CSRP2: variants seen among roughly 807,000 people sequenced by gnomAD.
CSRP2 encodes cysteine and glycine-rich protein 2.
Under a neutral mutation model 24.6 loss-of-function variants are expected in CSRP2, and 18 were observed. The ratio of observed to expected loss-of-function variants is 0.73; its 90% CI spans 0.51 to 1.09. The LOEUF (loss-of-function observed/expected upper bound fraction) is 1.09, where lower values mean the gene tolerates loss of function less well. CSRP2 is among the 50% of genes least tolerant of loss of function. The pLI is 0.00. For missense variants in CSRP2, 215 were observed against 239.4 expected (o/e 0.90, Z 0.67); for synonymous variants, 87 against 84.3 (o/e 1.03, Z -0.18).
At chr12:76,866,916 G>C (rs1953741507) in intron 1 of CSRP2, among the ~76,000 whole-genome samples, 1 of 152,124 alleles carries the variant, frequency 6.6e-6, no homozygotes, top group African/African-American at 2.4e-5. Flanking sequence ...GATGGCTCCG[G>C]CTTAAGTTTC....
In CSRP2 at chr12:76,862,810, A is replaced by G. The variant is rs982775122; in HGVS notation, c.281+366T>C. The stretch of plus-strand genomic sequence containing the variant: ...TTAGGAATTTTCATTGGCTGCTTAC[A>G]TTGCACATGAGAAACACCTCTCATG... On this transcript the variant is annotated intron_variant, in intron 3 of 5. Coordinates refer to ENST00000311083, the MANE Select transcript of CSRP2 (RefSeq NM_001321.3). The G allele has an allele frequency of 2.0e-6, 3 of 1,471,250 alleles. No individual in the cohort carries two copies. In the African/African-American group the frequency reaches 4.3e-5, roughly 21 times the overall value. The allele number at this position is 1,471,250 out of a possible 1,614,324, so 91.1% of individuals were successfully genotyped here. A position where few individuals can be genotyped will look rare whatever the true frequency, so the allele number is the denominator to read the frequency against.
intron 1 of CSRP2, among the ~76,000 whole-genome samples, chr12:76,873,438 G>A (rs763404706): frequency 3.9e-5 from 6 of 152,028 alleles, no homozygotes; most frequent in Non-Finnish European, 7.4e-5. Context: ...CTTCTCTTAC[G>A]GAAGTGAATA....
chr12:76,871,506 C>T (rs191565390), intron 1 of CSRP2, among the ~76,000 whole-genome samples: 42 of 152,296 alleles, frequency 2.8e-4, no homozygotes, highest in East Asian at 2.7e-3. Context: ...TGCGGTGGCT[C>T]ACGCCTGTAA....
intron 1 of CSRP2, among the ~76,000 whole-genome samples, chr12:76,873,909 C>T (rs1175741085): frequency 6.6e-6 from 1 of 152,152 alleles, no homozygotes; most frequent in Non-Finnish European, 1.5e-5. Context: ...ATAAGCACTG[C>T]ATAATGCTTT....
At chr12:76,866,957 G>A (rs967906101) in intron 1 of CSRP2, among the ~76,000 whole-genome samples, 1 of 152,132 alleles carries the variant, frequency 6.6e-6, no homozygotes, top group East Asian at 1.9e-4. Context: ...GCCCACTAGT[G>A]CAGCCAGCAG....
At chr12:76,860,459 C>T (rs778064378) in intron 3 of CSRP2, 46 bp from the exon 4 acceptor site, 1 of 1,604,162 alleles carries the variant, frequency 6.2e-7, no homozygotes, top group South Asian at 1.1e-5. Flanking sequence ...TTCCACAGGG[C>T]CCTTTTAAGT....
intron 2 of CSRP2, 167 bp downstream of exon 2, chr12:76,865,982 T>A: frequency 1.7e-6 from 1 of 602,984 alleles, no homozygotes; most frequent in Admixed American, 3.0e-5. Flanking sequence ...ACCCCTCCTG[T>A]CTTCGCTGCT....
intron 1 of CSRP2, among the ~76,000 whole-genome samples, chr12:76,871,089 A>C (rs1370618794): frequency 6.6e-6 from 1 of 151,280 alleles, no homozygotes; most frequent in Non-Finnish European, 1.5e-5. Context: ...GAGGAAGTTG[A>C]TTGACTGGTT....
chr12:76,860,605 T>C (rs1953666389), intron 3 of CSRP2, 192 bp from the exon 4 acceptor site: 3 of 548,712 alleles, frequency 5.5e-6, no homozygotes, highest in Non-Finnish European at 9.5e-6. Context: ...TACTTGAACC[T>C]ATCTATGGGC....
intron 1 of CSRP2, among the ~76,000 whole-genome samples, chr12:76,875,414 A>T (rs1198916817): frequency 1.3e-5 from 2 of 152,226 alleles, no homozygotes; most frequent in Non-Finnish European, 2.9e-5. Context: ...ACAGATTTGA[A>T]TCACTATCTG....
intron 5 of CSRP2, 91 bp downstream of exon 5, chr12:76,859,456 C>CTTTT: frequency 1.0e-5 from 7 of 667,006 alleles, no homozygotes; most frequent in African/African-American, 2.1e-5. Flanking sequence ...GCATACTTTT[C>CTTTT]TTTTTTTTTT....
chr12:76,868,322 A>G (rs1458075949), intron 1 of CSRP2, among the ~76,000 whole-genome samples: 3 of 152,152 alleles, frequency 2.0e-5, no homozygotes, highest in Non-Finnish European at 4.4e-5. Context: ...TGTAGCTCCC[A>G]TAATTCCCAT....
chr12:76,863,215 T>C lies in CSRP2; in HGVS notation c.242A>G (p.Asn81Ser). Residue 81 changes from asparagine to serine, a missense_variant, in exon 3 of 6, where the codon AAC becomes AGC. By Grantham distance (46) the Asn-to-Ser change is conservative. Coordinates refer to ENST00000311083, the MANE Select transcript of CSRP2 (RefSeq NM_001321.3). ...YGYGQGAGTL[N>S]MDRGERLGIK... ...GCCCAGCCTCTCGCCACGGTCCATGTTAAGCGTGCCAGCGCCCTGGCCATA... is the reference window on the plus strand; with the variant it reads ...GCCCAGCCTCTCGCCACGGTCCATGCTAAGCGTGCCAGCGCCCTGGCCATA... 1 of 1,614,214 alleles carries C rather than the reference T, an allele frequency of 6.2e-7. No homozygotes were observed. The highest frequency in any genetic ancestry group is 8.5e-7 in the Non-Finnish European group (1 of 1,180,034).
At chr12:76,869,106 G>T (rs1362891843) in intron 1 of CSRP2, among the ~76,000 whole-genome samples, 2 of 152,098 alleles carry the variant, frequency 1.3e-5, no homozygotes, top group Non-Finnish European at 2.9e-5. Context: ...TCAAGGTATG[G>T]CAGGTTTAGT....
Position 76,863,238 on chromosome 12 carries a change from A to T in CSRP2, c.219T>A (p.Tyr73Ter), listed in dbSNP as rs1156548478. 6.2e-7 allele frequency: 1 copy of T among 1,614,130 alleles called. No homozygotes were observed. Among genetic ancestry groups the T allele is most frequent in the East Asian group, 2.2e-5 (1 of 44,898 alleles). The change falls in exon 3 of 6, where the codon TAT becomes TAA. Residue 73 changes from tyrosine to a stop codon, truncating the protein, a stop_gained. Coordinates refer to ENST00000311083, the MANE Select transcript of CSRP2 (RefSeq NM_001321.3). LOFTEE classifies it high-confidence loss of function. ...GKKYGPKGYGYGQGAGTLNMD... is the reference protein window; with the variant it reads ...GKKYGPKGYG Reference sequence around the variant, plus strand: ...TGTTAAGCGTGCCAGCGCCCTGGCCATAACCGTAGCCTTTTGGCCCATACT... The same window carrying T: ...TGTTAAGCGTGCCAGCGCCCTGGCCTTAACCGTAGCCTTTTGGCCCATACT...
At position 76,860,425 on chromosome 12, in the gene CSRP2, AG is replaced by A. The variant is rs778696932; in HGVS notation, c.282-13del. ...TGTGAGGCTGAACACTTGTGAAAAGAGGAAAAAAAAAGTAGGCAAGAGTTTC... is the reference window on the plus strand; with the variant it reads ...TGTGAGGCTGAACACTTGTGAAAAGAGAAAAAAAAAGTAGGCAAGAGTTTC... On this transcript the variant is annotated splice_polypyrimidine_tract_variant and intron_variant, in intron 3 of 5. Coordinates refer to ENST00000311083, the MANE Select transcript of CSRP2 (RefSeq NM_001321.3). The A allele has an allele frequency of 6.4e-7, 1 of 1,560,058 alleles. No homozygotes were observed.
At chr12:76,872,186 G>A (rs1168396498) in intron 1 of CSRP2, among the ~76,000 whole-genome samples, 1 of 152,170 alleles carries the variant, frequency 6.6e-6, no homozygotes, top group African/African-American at 2.4e-5. Flanking sequence ...ATGTTACAAC[G>A]TGATTTATAT....
At chr12:76,863,000 G>T (rs1953699297) in intron 3 of CSRP2, 176 bp downstream of exon 3, 1 of 1,441,866 alleles carries the variant, frequency 6.9e-7, no homozygotes, top group South Asian at 1.5e-5. Flanking sequence ...TTATTAATAA[G>T]AACTTTGTTA....
At chr12:76,871,511 C>T (rs1953796837) in intron 1 of CSRP2, among the ~76,000 whole-genome samples, 1 of 152,218 alleles carries the variant, frequency 6.6e-6, no homozygotes, top group African/African-American at 2.4e-5. Flanking sequence ...TGGCTCACGC[C>T]TGTAATCCCA....
Sources: gnomAD v4.1 joint callset for allele counts (sites outside exome capture counted in the v4.1 genomes callset) on GRCh38, gnomAD v4.1.1 for gene constraint, MANE v1.5 for transcripts, NCBI Gene and HGNC (gene_info 2026-07-23, HGNC 2026-07-21) for gene names.